The following KIF4A variants were observed in gnomAD, a reference collection of about 807,000 sequenced individuals.
KIF4A encodes chromosome-associated kinesin KIF4A.
A neutral mutation model predicts 105.9 loss-of-function variants in KIF4A; 7 were observed. That is an observed-to-expected ratio of 0.07 (90% confidence interval 0.04 to 0.12). The LOEUF is 0.12. KIF4A is among the 10% of genes least tolerant of loss of function. KIF4A has a pLI of 1.00. For synonymous variants in KIF4A, 281 were observed against 331.3 expected (o/e 0.85, Z 1.65); for missense variants, 558 against 929.2 (o/e 0.60, Z 5.19).
At chrX:70,375,081 G>A in intron 16 of KIF4A, 123 bp from the exon 17 acceptor site, 1 of 740,218 alleles carries the variant, frequency 1.4e-6, no homozygotes, top group Non-Finnish European at 1.9e-6. Flanking sequence ...TTTTTAAGAT[G>A]GCTATGTGAC....
chrX:70,350,504 AGAGAGG>A (rs1301485979), intron 13 of KIF4A, among the ~76,000 whole-genome samples: 56 of 100,101 alleles, frequency 5.6e-4, no homozygotes, highest in African/African-American at 2.1e-3. Context: ...AGGGAAAGGG[AGAGAGG>A]GGGAGGGGGA....
chrX:70,291,975 T>A (rs1276576784), intron 3 of KIF4A, among the ~76,000 whole-genome samples: 1 of 112,119 alleles, frequency 8.9e-6, no homozygotes, highest in East Asian at 2.8e-4. Context: ...CGTTTTTTTG[T>A]TTAATGATAT....
intron 7 of KIF4A, among the ~76,000 whole-genome samples, chrX:70,316,973 C>G (rs1039639961): frequency 9.0e-6 from 1 of 111,669 alleles, no homozygotes; most frequent in African/African-American, 3.3e-5. Flanking sequence ...TATTTTTTTT[C>G]TTTTACCAAA....
chrX:70,393,765 T>C lies in KIF4A; in HGVS notation c.2233-1906T>C, dbSNP rs781510156. Among the ~76,000 whole-genome samples, 6 of 108,013 alleles carry C rather than the reference T, an allele frequency of 5.6e-5. No homozygotes were observed. The East Asian group carries it at 1.7e-3, about 31-fold the overall frequency. The allele number at this position is 108,013 out of a possible 115,157, so 93.8% of individuals were successfully genotyped here. On this transcript the variant is annotated intron_variant, in intron 20 of 30. Transcript: ENST00000374403. ...ATTTAATGTTAACGTATTTGTGCCTTCATTTTTAAGGTGTGTTTCTTTTCT... is the reference window on the plus strand; with the variant it reads ...ATTTAATGTTAACGTATTTGTGCCTCCATTTTTAAGGTGTGTTTCTTTTCT...
intron 13 of KIF4A, among the ~76,000 whole-genome samples, chrX:70,344,463 G>A (rs1462163102): frequency 4.5e-5 from 5 of 111,615 alleles, no homozygotes; most frequent in Non-Finnish European, 9.4e-5. Context: ...AACCATTATA[G>A]TAGTGGCAGG....
intron 15 of KIF4A, among the ~76,000 whole-genome samples, chrX:70,372,866 A>AC (rs2086146044): frequency 1.8e-5 from 2 of 112,841 alleles, no homozygotes; most frequent in Non-Finnish European, 3.7e-5. Context: ...AGGTGTTATT[A>AC]TTAATTATTG....
At chrX:70,395,128 C>A (rs1268692178) in intron 20 of KIF4A, among the ~76,000 whole-genome samples, 1 of 111,630 alleles carries the variant, frequency 9.0e-6, no homozygotes, top group Non-Finnish European at 1.9e-5. Context: ...TGCTTGTAAT[C>A]CCAGCTACTT....
At chrX:70,298,489 T>C (rs780150615) in intron 4 of KIF4A, among the ~76,000 whole-genome samples, 1 of 111,115 alleles carries the variant, frequency 9.0e-6, no homozygotes, top group African/African-American at 3.3e-5. Flanking sequence ...CATTTTGGCT[T>C]CCCAAAGTGC....
intron 28 of KIF4A, among the ~76,000 whole-genome samples, chrX:70,409,798 AAAAAAAAAAAAAAG>A (rs1420375134): frequency 2.9e-4 from 32 of 108,864 alleles, no homozygotes; most frequent in Non-Finnish European, 5.3e-4. Context: ...CTGTCTCAAA[AAAAAAAAAAAAAAG>A]AAAAGAAAAA....
Position 70,376,198 on chromosome X carries a change from G to A in KIF4A, c.2022G>A (p.Gln674=), listed in dbSNP as rs373647383. The part of the protein sequence containing the change: ...WKQKKDKEVI[Q]LKERDRKRQY... The stretch of plus-strand genomic sequence containing the variant: ...AGAAAAAAGACAAAGAAGTAATACA[G>A]TTAAAAGAACGAGTAAGTAACTAAA... Residue 674 remains glutamine (Q), a synonymous_variant, in exon 18 of 31, where the codon CAG becomes CAA. Transcript: ENST00000374403. 2.8e-5 allele frequency: 32 copies of A among 1,161,615 alleles called. No individual in the cohort carries two copies. In the African/African-American group the frequency reaches 5.1e-4, roughly 19 times the overall value.
chrX:70,320,112 C>A (rs2085884882), intron 7 of KIF4A, among the ~76,000 whole-genome samples: 1 of 111,853 alleles, frequency 8.9e-6, no homozygotes, highest in South Asian at 3.7e-4. Context: ...TTTCTTCTTG[C>A]TGATCCATTA....
At chrX:70,326,662 C>T (rs2085912128) in intron 7 of KIF4A, among the ~76,000 whole-genome samples, 1 of 112,047 alleles carries the variant, frequency 8.9e-6, no homozygotes, top group East Asian at 2.8e-4. Flanking sequence ...CTCATTCTTA[C>T]AGAGAAAACT....
At chrX:70,345,864 G>A (rs2030244) in intron 13 of KIF4A, among the ~76,000 whole-genome samples, 47,796 of 110,249 alleles carry the variant, frequency 0.43, 8,382 homozygotes, top group Non-Finnish European at 0.55. Flanking sequence ...ATCCTCTCTC[G>A]TGTGCTTTCT....
intron 17 of KIF4A, 64 bp from the exon 18 acceptor site, chrX:70,376,036 C>A: frequency 1.3e-6 from 1 of 743,088 alleles, no homozygotes; most frequent in South Asian, 2.5e-5. Context: ...TAAGTCTATC[C>A]ATCCGCACCA....
intron 15 of KIF4A, chrX:70,361,441 T>A (rs549362217): frequency 8.7e-5 from 11 of 125,943 alleles, no homozygotes; most frequent in African/African-American, 3.5e-4. Flanking sequence ...TGTATCATTA[T>A]ATACATCACC....
chrX:70,384,300 A>G lies in KIF4A; in HGVS notation c.2035-2318A>G, dbSNP rs540967890. 1.4e-3 allele frequency among the ~76,000 whole-genome samples: 157 copies of G among 112,006 alleles called. 2 individuals carry two copies. The South Asian group carries it at 0.055, about 39-fold the overall frequency. On this transcript the variant is annotated intron_variant, in intron 18 of 30. Coordinates refer to ENST00000374403, the MANE Select transcript of KIF4A (RefSeq NM_012310.5). ...TTCAAAAAATGAAGGAAGTAGGGCAACAAAAAGTACCGCGGGCTTTTCAGT... is the reference window on the plus strand; with the variant it reads ...TTCAAAAAATGAAGGAAGTAGGGCAGCAAAAAGTACCGCGGGCTTTTCAGT...
intron 15 of KIF4A, among the ~76,000 whole-genome samples, chrX:70,369,151 C>A (rs2086118951): frequency 9.0e-6 from 1 of 111,429 alleles, no homozygotes; most frequent in Non-Finnish European, 1.9e-5. Flanking sequence ...GTCTGTCACC[C>A]CTTTCCTTGG....
At chrX:70,372,722 C>T (rs2086145280) in intron 15 of KIF4A, among the ~76,000 whole-genome samples, 1 of 112,785 alleles carries the variant, frequency 8.9e-6, no homozygotes, top group African/African-American at 3.2e-5. Context: ...TTTCCAAATG[C>T]ATGCAGAACT....
Position 70,420,077 on chromosome X carries a change from T to G in KIF4A, c.3511T>G (p.Cys1171Gly). The G allele has an allele frequency of 8.3e-7, 1 of 1,210,929 alleles. No homozygotes were observed. The highest frequency in any genetic ancestry group is 1.1e-6 in the Non-Finnish European group (1 of 895,117). Residue 1171 changes from cysteine (C) to glycine (G), a missense_variant, in exon 31 of 31, where the codon TGC (cysteine) becomes GGC (glycine). Around this residue, in one of 2 missense-constraint regions of KIF4A, gnomAD observed 469 missense variants for 680.4 expected, o/e 0.69. Transcript: ENST00000374403. ...TPNSKILKEM[C>G]DVEQVLSKKT... is the part of the protein sequence containing the mutation. ...TCCCTCCTAGATCCTGAAAGAGATG[T>G]GCGATGTGGAGCAGGTGCTGTCAAA...
Sources: allele counts gnomAD v4.1 joint callset (sites outside exome capture counted in the v4.1 genomes callset), GRCh38; gene constraint gnomAD v4.1.1; regional missense constraint gnomAD v4.1.1; transcripts MANE v1.5; gene names NCBI Gene and HGNC (gene_info 2026-07-23, HGNC 2026-07-21).